ZFAND6: variants seen among roughly 807,000 people sequenced by gnomAD.
The protein encoded by ZFAND6 is zinc finger AN1-type containing 6.
Under a neutral mutation model 24.5 loss-of-function variants are expected in ZFAND6, and 12 were observed. The observed-to-expected ratio is 0.49, with a 90% CI of 0.31 to 0.79. The LOEUF (loss-of-function observed/expected upper bound fraction) is 0.79. Among genes scored for constraint, ZFAND6 ranks in the 30% least tolerant of loss-of-function variants. The probability of loss-of-function intolerance (pLI) is 0.04; values close to 1 mark genes in which losing one functional copy is unlikely to be tolerated. For synonymous variants in ZFAND6, 92 were observed against 81.5 expected, an observed-to-expected ratio of 1.13 and a Z score of -0.69; for missense variants, 207 against 245.9, an observed-to-expected ratio of 0.84 and a Z score of 1.06.
intron 6 of ZFAND6, among the ~76,000 whole-genome samples, chr15:80,135,252 T>C (rs1437985958): frequency 6.6e-6 from 1 of 152,230 alleles, no homozygotes; most frequent in Admixed American, 6.5e-5. Context: ...ATACATTATA[T>C]ATTAATAATA....
chr15:80,085,439 AC>A (rs2037933014), intron 1 of ZFAND6, among the ~76,000 whole-genome samples: 1 of 152,204 alleles, frequency 6.6e-6, no homozygotes, highest in African/African-American at 2.4e-5. Flanking sequence ...AACTCCTATG[AC>A]CTTTGTCTCC....
intron 5 of ZFAND6, 127 bp downstream of exon 5, chr15:80,122,927 A>G (rs74647991): frequency 0.057 from 32,009 of 558,156 alleles, 1,142 homozygotes; most frequent in Non-Finnish European, 0.076. Context: ...TGAACACAAT[A>G]CTTTATATCT....
intron 1 of ZFAND6, among the ~76,000 whole-genome samples, chr15:80,077,347 A>G (rs1242664289): frequency 6.6e-6 from 1 of 152,260 alleles, no homozygotes; most frequent in Non-Finnish European, 1.5e-5. Context: ...AACATTACTT[A>G]CAAATAAAAT....
intron 6 of ZFAND6, among the ~76,000 whole-genome samples, chr15:80,135,078 C>T (rs1243571358): frequency 6.6e-6 from 1 of 152,104 alleles, no homozygotes; most frequent in African/African-American, 2.4e-5. Context: ...CTCTGCTAAC[C>T]CTGAGACAGC....
intron 2 of ZFAND6, among the ~76,000 whole-genome samples, chr15:80,113,536 A>G (rs2039715071): frequency 6.6e-6 from 1 of 152,198 alleles, no homozygotes; most frequent in Admixed American, 6.5e-5. Flanking sequence ...TATGCATTTT[A>G]TAACTGCCTT....
In ZFAND6 at chr15:80,118,555, T is replaced by C. The variant is rs554415929; in HGVS notation, c.-17-1773T>C. Among the ~76,000 whole-genome samples, 143 of 152,282 alleles carry C rather than the reference T, an allele frequency of 9.4e-4. 1 individual carries two copies. Among genetic ancestry groups the C allele is most frequent in the African/African-American group, 2.8e-3 (115 of 41,534 alleles). ...GTGCTTGTTATTTTTTAATGTGATATGTGTGTGTATGTATGTATATATACA... is the reference window on the plus strand; with the variant it reads ...GTGCTTGTTATTTTTTAATGTGATACGTGTGTGTATGTATGTATATATACA... On this transcript the variant is annotated intron_variant, in intron 2 of 6. Transcript: ENST00000261749.
intron 2 of ZFAND6, among the ~76,000 whole-genome samples, chr15:80,105,148 C>T (rs2039252998): frequency 6.6e-6 from 1 of 152,196 alleles, no homozygotes; most frequent in Non-Finnish European, 1.5e-5. Context: ...CACATACTTG[C>T]TTTTATCCTT....
chr15:80,125,315 C>T (rs2040329501), intron 5 of ZFAND6, among the ~76,000 whole-genome samples: 1 of 152,142 alleles, frequency 6.6e-6, no homozygotes, highest in South Asian at 2.1e-4. Context: ...TCTTCTTCCT[C>T]ACTCCATATG....
rs2040374757 is a variant in ZFAND6 at position 80,126,480 on chromosome 15, AC to A, written c.364+3681del. ...TAAAAAATTGAGAGTCCAGAAATAA[AC>A]TCTTATTATATTTATGGGCCATTGA... On this transcript the variant is annotated intron_variant, in intron 5 of 6. Coordinates refer to ENST00000261749, the MANE Select transcript of ZFAND6 (RefSeq NM_019006.4). 8.5e-5 allele frequency among the ~76,000 whole-genome samples: 13 copies of A among 152,266 alleles called. No homozygotes were observed. In the South Asian group the frequency reaches 2.5e-3, roughly 29 times the overall value.
rs74552140 is a variant in ZFAND6 at position 80,130,999 on chromosome 15, A to G, written c.365-181A>G. On this transcript the variant is annotated intron_variant, in intron 5 of 6. Coordinates refer to ENST00000261749, the MANE Select transcript of ZFAND6 (RefSeq NM_019006.4). The stretch of plus-strand genomic sequence containing the variant: ...ATTCTAGATTATTTTCTACATGCAT[A>G]TATACATACATTTAACAAAAAGGGG... 5.6e-3 allele frequency: 2,594 copies of G among 466,130 alleles called. 46 individuals carry two copies. Among genetic ancestry groups the G allele is most frequent in the African/African-American group, 0.044 (2,259 of 51,474 alleles). 28.9% of individuals were successfully genotyped at this position (466,130 alleles called of 1,614,324 possible).
intron 2 of ZFAND6, among the ~76,000 whole-genome samples, chr15:80,116,673 A>T (rs1212696364): frequency 6.6e-6 from 1 of 152,208 alleles, no homozygotes. Context: ...ATAGTTTCTT[A>T]AAGGATAGTT....
intron 3 of ZFAND6, among the ~76,000 whole-genome samples, chr15:80,121,314 C>T (rs1222531711): frequency 6.6e-6 from 1 of 152,162 alleles, no homozygotes; most frequent in Non-Finnish European, 1.5e-5. Context: ...ATTAAGTCAT[C>T]ATCTACATTT....
chr15:80,104,970 T>C (rs998753957), intron 2 of ZFAND6, among the ~76,000 whole-genome samples: 3 of 152,248 alleles, frequency 2.0e-5, no homozygotes, highest in African/African-American at 7.2e-5. Context: ...ACAGCACTTG[T>C]TCTAAAAAGC....
At position 80,137,977 on chromosome 15, in the gene ZFAND6, T is replaced by C. The variant is rs1212019943; in HGVS notation, c.*349T>C. ...TTGCAGTTTATTTTCTCATTGTGTATGTATATATCGCTTTTCTCTGCAGCA... is the reference window on the plus strand; with the variant it reads ...TTGCAGTTTATTTTCTCATTGTGTACGTATATATCGCTTTTCTCTGCAGCA... On this transcript the variant is annotated 3_prime_UTR_variant, in exon 7 of 7. Transcript: ENST00000261749. 5.7e-6 allele frequency: 1 copy of C among 176,080 alleles called. No homozygotes were observed. The highest frequency in any genetic ancestry group is 1.2e-5 in the Non-Finnish European group (1 of 84,004). 10.9% of individuals were successfully genotyped at this position (176,080 alleles called of 1,614,324 possible).
At chr15:80,093,009 C>CAGTG (rs1282252002) in intron 1 of ZFAND6, among the ~76,000 whole-genome samples, 1 of 150,804 alleles carries the variant, frequency 6.6e-6, no homozygotes, top group African/African-American at 2.4e-5. Flanking sequence ...GGCTGGAATG[C>CAGTG]AGTGGCACGA....
chr15:80,134,508 T>A lies in ZFAND6; in HGVS notation c.479-2972T>A, dbSNP rs533583262. Among the ~76,000 whole-genome samples the A allele has an allele frequency of 3.3e-5, 5 of 152,342 alleles. No individual in the cohort carries two copies. The South Asian group carries it at 1.0e-3, about 32-fold the overall frequency. On this transcript the variant is annotated intron_variant, in intron 6 of 6. Coordinates refer to ENST00000261749, the MANE Select transcript of ZFAND6 (RefSeq NM_019006.4). Reference sequence around the variant, plus strand: ...GAGAACCCCAATAGAGGGAACATCATATCATTGAAGATACCATTATTGTTT... The same window carrying A: ...GAGAACCCCAATAGAGGGAACATCAAATCATTGAAGATACCATTATTGTTT...
chr15:80,078,210 C>G (rs2037409854), intron 1 of ZFAND6, among the ~76,000 whole-genome samples: 1 of 152,140 alleles, frequency 6.6e-6, no homozygotes, highest in African/African-American at 2.4e-5. Context: ...CTCGCCTCTC[C>G]CCAGCCCTTT....
At chr15:80,125,865 C>T (rs2040350011) in intron 5 of ZFAND6, among the ~76,000 whole-genome samples, 1 of 152,150 alleles carries the variant, frequency 6.6e-6, no homozygotes, top group African/African-American at 2.4e-5. Context: ...ACTTTCATTA[C>T]TCTTAAAAGA....
chr15:80,106,939 G>A (rs935268674), intron 2 of ZFAND6, among the ~76,000 whole-genome samples: 2 of 152,182 alleles, frequency 1.3e-5, no homozygotes, highest in African/African-American at 2.4e-5. Flanking sequence ...AGGGCCGGGC[G>A]CAGTGGCTCA....
Sources: gnomAD v4.1 joint callset for allele counts (sites outside exome capture counted in the v4.1 genomes callset) on GRCh38, gnomAD v4.1.1 for gene constraint, MANE v1.5 for transcripts, NCBI Gene and HGNC (gene_info 2026-07-23, HGNC 2026-07-21) for gene names.